The following GLI2 variants were observed in gnomAD, a reference collection of about 807,000 sequenced individuals.
GLI2 encodes transcription activator GLI2.
Under a neutral mutation model 78.9 loss-of-function variants are expected in GLI2, and 22 were observed. The ratio of observed to expected loss-of-function variants is 0.28; its 90% CI spans 0.20 to 0.40. The LOEUF (loss-of-function observed/expected upper bound fraction) is 0.40, where lower values mean the gene tolerates loss of function less well. Ranked by LOEUF, GLI2 falls within the 10% of genes least tolerant of loss-of-function variation. The pLI, the probability that GLI2 is intolerant of heterozygous loss-of-function variation, is 1.00. For missense variants in GLI2, 2,097 were observed against 2,213.2 expected, an observed-to-expected ratio of 0.95 and a Z score of 1.05; for synonymous variants, 974 against 963.7, an observed-to-expected ratio of 1.01 and a Z score of -0.20.
At chr2:120,909,891 A>G (rs1678731837) in intron 2 of GLI2, among the ~76,000 whole-genome samples, 1 of 152,212 alleles carries the variant, frequency 6.6e-6, no homozygotes, top group East Asian at 1.9e-4. Flanking sequence ...AAATTTTAAA[A>G]TCCACTTTAC....
intron 2 of GLI2, among the ~76,000 whole-genome samples, chr2:120,909,794 G>A (rs1678725390): frequency 6.6e-6 from 1 of 152,218 alleles, no homozygotes. Context: ...GAACCCGGGA[G>A]GCGGAGCTTG....
chr2:120,881,619 C>T, intron 2 of GLI2, among the ~76,000 whole-genome samples: 1 of 47,086 alleles, frequency 2.1e-5, no homozygotes, highest in South Asian at 1.2e-3. Context: ...GGGGGGAGGA[C>T]AGGTGGGGGA....
At chr2:120,757,619 G>C (rs1423189543) in intron 1 of GLI2, among the ~76,000 whole-genome samples, 1 of 152,202 alleles carries the variant, frequency 6.6e-6, no homozygotes, top group East Asian at 1.9e-4. Context: ...GCTCCAGGGG[G>C]ACCCTCTGCA....
At chr2:120,856,147 T>G (rs1295320462) in intron 2 of GLI2, among the ~76,000 whole-genome samples, 2 of 152,136 alleles carry the variant, frequency 1.3e-5, no homozygotes, top group Non-Finnish European at 2.9e-5. Flanking sequence ...GCCTGAGTTC[T>G]CCCTGCTGTC....
intron 2 of GLI2, among the ~76,000 whole-genome samples, chr2:120,843,517 G>A (rs17005299): frequency 0.032 from 4,888 of 152,280 alleles, 219 homozygotes; most frequent in African/African-American, 0.11. Context: ...AGGACATTAT[G>A]TCCCCTGTTT....
At chr2:120,807,213 G>A (rs1301890566) in intron 2 of GLI2, among the ~76,000 whole-genome samples, 1 of 152,154 alleles carries the variant, frequency 6.6e-6, no homozygotes, top group Non-Finnish European at 1.5e-5. Context: ...TCTGGGGGAT[G>A]GGGCCTGGGC....
chr2:120,764,878 G>C (rs567346885), intron 1 of GLI2, among the ~76,000 whole-genome samples: 2 of 152,336 alleles, frequency 1.3e-5, no homozygotes, highest in South Asian at 2.1e-4. Context: ...CTAATAAAAG[G>C]CTTCTGAGTT....
chr2:120,945,526 A>G (rs1279745721), intron 3 of GLI2, among the ~76,000 whole-genome samples: 1 of 152,184 alleles, frequency 6.6e-6, no homozygotes, highest in Non-Finnish European at 1.5e-5. Flanking sequence ...GCCCAGGATC[A>G]TTCTGGGCAG....
intron 2 of GLI2, among the ~76,000 whole-genome samples, chr2:120,875,009 C>G (rs917588649): frequency 6.6e-6 from 1 of 152,198 alleles, no homozygotes; most frequent in Admixed American, 6.5e-5. Flanking sequence ...GCTCCTGGAG[C>G]CTGTTTCCTA....
At chr2:120,802,379 G>A (rs754311443) in intron 2 of GLI2, among the ~76,000 whole-genome samples, 33 of 152,316 alleles carry the variant, frequency 2.2e-4, no homozygotes, top group Middle Eastern at 6.8e-3. Context: ...AAGAGCAGAC[G>A]GCAGAAGCCT....
intron 5 of GLI2, among the ~76,000 whole-genome samples, chr2:120,966,469 A>C (rs1338498213): frequency 2.0e-5 from 3 of 151,566 alleles, no homozygotes; most frequent in Admixed American, 6.6e-5. Flanking sequence ...CTGGCTGTCT[A>C]CTCCCCTCTG....
chr2:120,806,448 G>T (rs1318427042), intron 2 of GLI2, among the ~76,000 whole-genome samples: 1 of 152,164 alleles, frequency 6.6e-6, no homozygotes, highest in East Asian at 1.9e-4. Flanking sequence ...GCTTCACGGG[G>T]GAGGCAGTGT....
rs117839795 is a variant in GLI2 at position 120,941,792 on chromosome 2, A to T, written c.255-9451A>T. ...GTGGTAGGCATCTTGGCCCAAAGGC[A>T]GGGCTGGTGTACACAAGCCAGCGGT... On this transcript the variant is annotated intron_variant, in intron 3 of 13. Transcript: ENST00000361492. Among the ~76,000 whole-genome samples, 30 of 152,362 alleles carry T rather than the reference A, an allele frequency of 2.0e-4. No individual in the cohort carries two copies. The East Asian group carries it at 5.2e-3, about 26-fold the overall frequency.
At chr2:120,860,328 T>G (rs932336398) in intron 2 of GLI2, among the ~76,000 whole-genome samples, 1 of 152,174 alleles carries the variant, frequency 6.6e-6, no homozygotes, top group Non-Finnish European at 1.5e-5. Flanking sequence ...AGGTCTCACC[T>G]CATCCTATCA....
At chr2:120,972,800 A>G in intron 8 of GLI2, 1 of 458,090 alleles carries the variant, frequency 2.2e-6, no homozygotes, top group Non-Finnish European at 4.4e-6. Context: ...CCCACAGCCC[A>G]GTGCAGGCCT....
chr2:120,752,346 C>T (rs1265141630), intron 1 of GLI2, among the ~76,000 whole-genome samples: 3 of 150,040 alleles, frequency 2.0e-5, no homozygotes, highest in African/African-American at 7.4e-5. Context: ...TCTTGGCTCA[C>T]TACAAACTCT....
chr2:120,900,768 G>A (rs755255986), intron 2 of GLI2, among the ~76,000 whole-genome samples: 1 of 152,204 alleles, frequency 6.6e-6, no homozygotes, highest in Non-Finnish European at 1.5e-5. Flanking sequence ...CAGTGATGTT[G>A]AGCGGTTTGC....
intron 1 of GLI2, among the ~76,000 whole-genome samples, chr2:120,741,596 C>T (rs966013537): frequency 6.6e-6 from 1 of 152,050 alleles, no homozygotes; most frequent in Non-Finnish European, 1.5e-5. Flanking sequence ...TCCCATCTTT[C>T]CCTCCCGTTC....
intron 1 of GLI2, among the ~76,000 whole-genome samples, chr2:120,750,741 A>G (rs1343939424): frequency 6.6e-6 from 1 of 152,240 alleles, no homozygotes; most frequent in Non-Finnish European, 1.5e-5. Context: ...CTTAACAACA[A>G]AAGACATCCT....
Sources: gnomAD v4.1 joint callset for allele counts (sites outside exome capture counted in the v4.1 genomes callset) on GRCh38, gnomAD v4.1.1 for gene constraint, MANE v1.5 for transcripts, NCBI Gene and HGNC (gene_info 2026-07-23, HGNC 2026-07-21) for gene names.